The following ACACA variants were observed in gnomAD, a reference collection of about 807,000 sequenced individuals.
The protein encoded by ACACA is acetyl-CoA carboxylase alpha.
A neutral mutation model predicts 296.1 loss-of-function variants in ACACA; 103 were observed. The observed-to-expected ratio is 0.35, with a 90% confidence interval of 0.30 to 0.41. The LOEUF (loss-of-function observed/expected upper bound fraction) is 0.41, where lower values mean the gene tolerates loss of function less well. Among genes scored for constraint, ACACA ranks in the 10% least tolerant of loss-of-function variants. ACACA has a pLI of 1.00. For synonymous variants in ACACA, 953 were observed against 1,038.6 expected, an observed-to-expected ratio of 0.92 and a Z score of 1.58; for missense variants, 1,554 against 2,989.7, an observed-to-expected ratio of 0.52 and a Z score of 11.20.
chr17:37,120,887 G>A (rs1023497451), intron 50 of ACACA, among the ~76,000 whole-genome samples: 1 of 152,182 alleles, frequency 6.6e-6, no homozygotes, highest in African/African-American at 2.4e-5. Context: ...GCTGTTGTTA[G>A]ATAATAATAT....
intron 51 of ACACA, 126 bp from the exon 52 acceptor site, chr17:37,111,769 G>A (rs2073983777): frequency 1.5e-5 from 11 of 752,376 alleles, no homozygotes; most frequent in Non-Finnish European, 2.6e-5. Flanking sequence ...GCCCACCTAT[G>A]GTTAACAGAC....
In ACACA at chr17:37,085,486, A is replaced by G. The variant is rs1023069516; in HGVS notation, c.*1830T>C. Reference sequence around the variant, plus strand: ...TGTGGGATTTGATTTATTGCAAAAAAGCATAGAAGAATAATCTGGTCAAAA... The same window carrying G: ...TGTGGGATTTGATTTATTGCAAAAAGGCATAGAAGAATAATCTGGTCAAAA... On this transcript the variant is annotated 3_prime_UTR_variant, in exon 56 of 56. Coordinates refer to ENST00000616317, the MANE Select transcript of ACACA (RefSeq NM_198834.3). 2.5e-6 allele frequency: 1 copy of G among 397,798 alleles called. No individual in the cohort carries two copies. The allele number at this position is 397,798 out of a possible 1,614,324, so 24.6% of individuals were successfully genotyped here. A position where few individuals can be genotyped will look rare whatever the true frequency, so the allele number is the denominator to read the frequency against.
intron 3 of ACACA, among the ~76,000 whole-genome samples, chr17:37,296,418 C>T (rs1369665619): frequency 6.6e-6 from 1 of 151,202 alleles, no homozygotes; most frequent in East Asian, 2.0e-4. Context: ...CCATTCTCCT[C>T]CCTCAGCCTC....
intron 36 of ACACA, among the ~76,000 whole-genome samples, chr17:37,192,526 C>T (rs1304288089): frequency 6.6e-6 from 1 of 152,068 alleles, no homozygotes; most frequent in East Asian, 1.9e-4. Context: ...TATTCCTAAA[C>T]TTTCATCATT....
chr17:37,247,901 T>TA (rs2080794706), intron 18 of ACACA, 110 bp downstream of exon 18: 20 of 1,314,314 alleles, frequency 1.5e-5, no homozygotes, highest in Non-Finnish European at 2.0e-5. Flanking sequence ...TTTTTTTTTT[T>TA]AACTACAAAT....
intron 1 of ACACA, among the ~76,000 whole-genome samples, chr17:37,383,064 G>C (rs2050375149): frequency 6.6e-6 from 1 of 152,092 alleles, no homozygotes; most frequent in Admixed American, 6.6e-5. Flanking sequence ...AAAAGACTCT[G>C]GCAGGGTTTT....
chr17:37,374,043 T>C lies in ACACA; in HGVS notation c.38+32219A>G, dbSNP rs533827992. ...CAGTGGCCTCATTTCTCTGCTTTCT[T>C]TCTCATAGCAAAACTTTTTTAAAAA... On this transcript the variant is annotated intron_variant, in intron 1 of 55. Transcript: ENST00000616317. Among the ~76,000 whole-genome samples the C allele has an allele frequency of 4.6e-5, 7 of 152,236 alleles. No individual in the cohort carries two copies. The East Asian group carries it at 9.7e-4, about 21-fold the overall frequency.
At chr17:37,167,495 T>C (rs1044884422) in intron 41 of ACACA, among the ~76,000 whole-genome samples, 5 of 151,490 alleles carry the variant, frequency 3.3e-5, no homozygotes, top group Non-Finnish European at 7.4e-5. Flanking sequence ...ATTTTTGTAT[T>C]TTTAGTAGAG....
At chr17:37,357,684 G>T (rs1429132949) in intron 1 of ACACA, among the ~76,000 whole-genome samples, 4 of 152,198 alleles carry the variant, frequency 2.6e-5, no homozygotes, top group African/African-American at 9.6e-5. Flanking sequence ...GGCAAGAGAA[G>T]TGGGAAAAAA....
At chr17:37,199,042 C>T (rs1339802957) in intron 35 of ACACA, among the ~76,000 whole-genome samples, 1 of 151,988 alleles carries the variant, frequency 6.6e-6, no homozygotes, top group Non-Finnish European at 1.5e-5. Flanking sequence ...GAGTTCGAGA[C>T]CAGCCTGGCT....
In ACACA at chr17:37,403,727, C is replaced by A. The variant is rs554295013; in HGVS notation, c.38+2535G>T. Among the ~76,000 whole-genome samples, 187 of 152,256 alleles carry A rather than the reference C, an allele frequency of 1.2e-3. 2 individuals carry two copies. The highest frequency in any genetic ancestry group is 1.1e-3 in the Non-Finnish European group (72 of 68,012). On this transcript the variant is annotated intron_variant, in intron 1 of 55. Transcript: ENST00000616317. ...CTGACTAAATTGGTCTAAGTAGAGCCTAACATCAACTGAAGGGAGAGGGTA... is the reference window on the plus strand; with the variant it reads ...CTGACTAAATTGGTCTAAGTAGAGCATAACATCAACTGAAGGGAGAGGGTA...
In ACACA at chr17:37,188,566, G is replaced by T. The variant is rs1217844853; in HGVS notation, c.4573-86C>A. The T allele has an allele frequency of 5.5e-6, 8 of 1,449,232 alleles. No individual in the cohort carries two copies. In the African/African-American group the frequency reaches 5.7e-5, roughly 10 times the overall value. The allele number at this position is 1,449,232 out of a possible 1,614,324, so 89.8% of individuals were successfully genotyped here. Reference sequence around the variant, plus strand: ...GGTCTGCTCATATTTGAGAAAGAAGGGGTAAAAAAAAAAAGAGGTTGGTTT... The same window carrying T: ...GGTCTGCTCATATTTGAGAAAGAAGTGGTAAAAAAAAAAAGAGGTTGGTTT... On this transcript the variant is annotated intron_variant, in intron 38 of 55. Coordinates refer to ENST00000616317, the MANE Select transcript of ACACA (RefSeq NM_198834.3).
chr17:37,274,585 T>G (rs532898295), intron 8 of ACACA: 1 of 967,872 alleles, frequency 1.0e-6, no homozygotes, highest in African/African-American at 1.8e-5. Context: ...AAAAAGAACA[T>G]AGCATACTTC....
Position 37,325,634 on chromosome 17 carries a change from CATG to C in ACACA, c.338+4536_338+4538del, listed in dbSNP as rs1459741045. ...TGTTGCCCAGGCTGGAGTGCAATGGCATGATCTCGGCTCACCGCAACCTCTGCA... is the reference window on the plus strand; with the variant it reads ...TGTTGCCCAGGCTGGAGTGCAATGGCATCTCGGCTCACCGCAACCTCTGCA... On this transcript the variant is annotated intron_variant, in intron 3 of 55. Transcript: ENST00000616317. 2.5e-5 allele frequency among the ~76,000 whole-genome samples: 3 copies of C among 117,756 alleles called. No individual in the cohort carries two copies. The East Asian group carries it at 8.2e-4, about 32-fold the overall frequency. The allele number at this position is 117,756 out of a possible 152,430, so 77.3% of individuals were successfully genotyped here.
At chr17:37,280,730 A>AACAC (rs71979048) in intron 5 of ACACA, among the ~76,000 whole-genome samples, 10,846 of 146,344 alleles carry the variant, frequency 0.074, 466 homozygotes, top group Middle Eastern at 0.15. Context: ...TTACATAGTT[A>AACAC]ACACACACAC....
chr17:37,388,473 G>A (rs1163279314), intron 1 of ACACA, among the ~76,000 whole-genome samples: 1 of 150,650 alleles, frequency 6.6e-6, no homozygotes, highest in Non-Finnish European at 1.5e-5. Context: ...AAAGAAGTTA[G>A]AGCAGAGCCC....
At chr17:37,173,610 G>A (rs1485039656) in intron 41 of ACACA, among the ~76,000 whole-genome samples, 3 of 151,828 alleles carry the variant, frequency 2.0e-5, no homozygotes, top group Non-Finnish European at 4.4e-5. Flanking sequence ...TTTTTTATAT[G>A]TTTAAAATAA....
At chr17:37,240,004 G>T (rs1324492522) in intron 24 of ACACA, among the ~76,000 whole-genome samples, 1 of 152,180 alleles carries the variant, frequency 6.6e-6, no homozygotes, top group Non-Finnish European at 1.5e-5. Context: ...AAGCTCTTCA[G>T]AGAAAGCCAG....
At chr17:37,144,011 T>A in intron 45 of ACACA, 1 of 787,170 alleles carries the variant, frequency 1.3e-6, no homozygotes. Flanking sequence ...GGAAGCCTCT[T>A]GGGTGCATTG....
Sources: gnomAD v4.1 joint callset for allele counts (sites outside exome capture counted in the v4.1 genomes callset) on GRCh38, gnomAD v4.1.1 for gene constraint, MANE v1.5 for transcripts, NCBI Gene and HGNC (gene_info 2026-07-23, HGNC 2026-07-21) for gene names.